Variants in PIGU observed in about 807,000 individuals in gnomAD.
PIGU encodes GPI-anchor transamidase component PIGU.
PIGU carries 24 observed loss-of-function variants against 49.9 expected under a neutral mutation model. The ratio of observed to expected loss-of-function variants is 0.48; its 90% CI spans 0.35 to 0.68. PIGU has a LOEUF of 0.68. Ranked by LOEUF, PIGU falls within the 30% of genes least tolerant of loss-of-function variation. The pLI, the probability that PIGU is intolerant of heterozygous loss-of-function variation, is 0.01. For synonymous variants in PIGU, 220 were observed against 205.7 expected (o/e 1.07, Z -0.59); for missense variants, 490 against 532.6 (o/e 0.92, Z 0.79).
intron 1 of PIGU, among the ~76,000 whole-genome samples, chr20:34,658,086 C>T (rs980506704): frequency 1.3e-5 from 2 of 152,216 alleles, no homozygotes; most frequent in African/African-American, 2.4e-5. Flanking sequence ...TCACTGCAAC[C>T]TCCCTGCCTG....
chr20:34,641,495 CA>C (rs977777798), intron 4 of PIGU, among the ~76,000 whole-genome samples: 5 of 152,166 alleles, frequency 3.3e-5, no homozygotes, highest in Non-Finnish European at 5.9e-5. Context: ...CAGCAAAGGA[CA>C]GACTAGACTA....
intron 1 of PIGU, among the ~76,000 whole-genome samples, chr20:34,672,464 T>C (rs991124113): frequency 4.6e-5 from 7 of 152,128 alleles, no homozygotes; most frequent in Admixed American, 2.0e-4. Context: ...GGTAGATACA[T>C]GACCCAGGCA....
chr20:34,639,363 C>T (rs868356894), intron 4 of PIGU, among the ~76,000 whole-genome samples: 69 of 151,880 alleles, frequency 4.5e-4, no homozygotes, highest in African/African-American at 1.6e-3. Context: ...ATTATACCAC[C>T]GCACTCCAGC....
At chr20:34,620,826 A>AC (rs1403297484) in intron 6 of PIGU, among the ~76,000 whole-genome samples, 14 of 151,578 alleles carry the variant, frequency 9.2e-5, no homozygotes, top group African/African-American at 3.1e-4. Flanking sequence ...AAAACAAAAA[A>AC]AAAAAAACAA....
At position 34,629,468 on chromosome 20, in the gene PIGU, G is replaced by A. The variant is rs556439091; in HGVS notation, c.529+5147C>T. The stretch of plus-strand genomic sequence containing the variant: ...CCTAAGTCTGTCCCCTGGCCCAAGA[G>A]GATGACAACCATGTGGAGCAGAGCC... On this transcript the variant is annotated intron_variant, in intron 6 of 11. Coordinates refer to ENST00000217446, the MANE Select transcript of PIGU (RefSeq NM_080476.5). Among the ~76,000 whole-genome samples the A allele has an allele frequency of 4.6e-5, 7 of 152,306 alleles. No homozygotes were observed. In the South Asian group the frequency reaches 1.5e-3, roughly 32 times the overall value.
chr20:34,648,251 C>CAA (rs34170509), intron 2 of PIGU, among the ~76,000 whole-genome samples: 42 of 88,788 alleles, frequency 4.7e-4, no homozygotes, highest in African/African-American at 1.2e-3. Context: ...GACCCTGTCT[C>CAA]AAAAAAAAAA....
chr20:34,633,919 T>C (rs1985875075), intron 6 of PIGU, among the ~76,000 whole-genome samples: 1 of 152,088 alleles, frequency 6.6e-6, no homozygotes, highest in Non-Finnish European at 1.5e-5. Flanking sequence ...ACAAATAATG[T>C]CTAAAATTTA....
At chr20:34,576,560 G>A (rs1983243135) in intron 10 of PIGU, among the ~76,000 whole-genome samples, 1 of 152,076 alleles carries the variant, frequency 6.6e-6, no homozygotes, top group African/African-American at 2.4e-5. Context: ...GGTGGATTGA[G>A]GCCTTCTCAC....
intron 7 of PIGU, among the ~76,000 whole-genome samples, chr20:34,606,946 A>C (rs1293454325): frequency 6.6e-6 from 1 of 152,150 alleles, no homozygotes; most frequent in African/African-American, 2.4e-5. Context: ...TTATTAGTAG[A>C]GACAGGGTTT....
rs528431868 is a variant in PIGU, at chr20:34,581,946, C to T, written c.927-274G>A. ...CATCAACAGTCCCCCTCTGCCTCTG[C>T]CAGCTCTGGGCCTTCCCCTAGGAGC... is the stretch of plus-strand genomic sequence containing the variant. On this transcript the variant is annotated intron_variant, in intron 9 of 11. Coordinates refer to ENST00000217446, the MANE Select transcript of PIGU (RefSeq NM_080476.5). Among the ~76,000 whole-genome samples the T allele has an allele frequency of 8.5e-5, 13 of 152,306 alleles. 1 individual carries two copies. In the South Asian group the frequency reaches 2.7e-3, roughly 32 times the overall value.
intron 7 of PIGU, among the ~76,000 whole-genome samples, chr20:34,610,754 C>A (rs1433926982): frequency 6.6e-6 from 1 of 152,110 alleles, no homozygotes. Flanking sequence ...CCAAGACAAT[C>A]CTAAGCAAAA....
chr20:34,598,021 A>G (rs956978261), intron 7 of PIGU, among the ~76,000 whole-genome samples: 3 of 152,202 alleles, frequency 2.0e-5, no homozygotes, highest in African/African-American at 7.2e-5. Flanking sequence ...CCTGGGCAAC[A>G]TGATGAAACC....
intron 5 of PIGU, among the ~76,000 whole-genome samples, chr20:34,635,921 G>A (rs1163391883): frequency 6.6e-6 from 1 of 150,590 alleles, no homozygotes; most frequent in Non-Finnish European, 1.5e-5. Flanking sequence ...GGGCATGGTG[G>A]CTCACTCACA....
At chr20:34,624,567 C>T (rs572342412) in intron 6 of PIGU, among the ~76,000 whole-genome samples, 6 of 152,314 alleles carry the variant, frequency 3.9e-5, no homozygotes, top group African/African-American at 1.4e-4. Flanking sequence ...AAGAATATCT[C>T]GCTGTTGACA....
chr20:34,588,314 T>C, intron 8 of PIGU, 139 bp downstream of exon 8: 2 of 794,802 alleles, frequency 2.5e-6, no homozygotes, highest in South Asian at 2.6e-5. Context: ...GATCAAATGG[T>C]AATTCTATTT....
chr20:34,607,329 G>A (rs954832329), intron 7 of PIGU, among the ~76,000 whole-genome samples: 3 of 152,050 alleles, frequency 2.0e-5, no homozygotes, highest in African/African-American at 4.8e-5. Flanking sequence ...GGCCTGCCCC[G>A]CATCCTGTAC....
intron 7 of PIGU, among the ~76,000 whole-genome samples, chr20:34,614,192 G>C (rs1011010942): frequency 6.6e-6 from 1 of 152,136 alleles, no homozygotes; most frequent in Non-Finnish European, 1.5e-5. Context: ...AGTTACTTGG[G>C]AGGGTGAGGT....
At chr20:34,593,658 T>C (rs995137938) in intron 7 of PIGU, among the ~76,000 whole-genome samples, 1 of 152,214 alleles carries the variant, frequency 6.6e-6, no homozygotes, top group African/African-American at 2.4e-5. Flanking sequence ...GACAACAAGG[T>C]AACCATTTGG....
intron 11 of PIGU, among the ~76,000 whole-genome samples, chr20:34,574,794 G>A (rs923994534): frequency 5.9e-5 from 9 of 152,262 alleles, no homozygotes; most frequent in East Asian, 5.8e-4. Flanking sequence ...AATGACCTTC[G>A]AGAAGAGAGG....
Sources: gnomAD v4.1 joint callset for allele counts (sites outside exome capture counted in the v4.1 genomes callset) on GRCh38, gnomAD v4.1.1 for gene constraint, MANE v1.5 for transcripts, NCBI Gene and HGNC (gene_info 2026-07-23, HGNC 2026-07-21) for gene names.